The following NOX5 variants were observed in gnomAD, a reference collection of about 807,000 sequenced individuals.
NOX5 encodes NADPH oxidase, EF-hand calcium binding domain 5.
A neutral mutation model predicts 85.7 loss-of-function variants in NOX5; 76 were observed. The observed-to-expected ratio is 0.89, with a 90% confidence interval of 0.74 to 1.07. NOX5 has a LOEUF of 1.07. Among genes scored for constraint, NOX5 ranks in the 50% least tolerant of loss-of-function variants. NOX5 has a pLI of 0.00. For synonymous variants in NOX5, 405 were observed against 401.4 expected, an observed-to-expected ratio of 1.01 and a Z score of -0.11; for missense variants, 973 against 999.5, an observed-to-expected ratio of 0.97 and a Z score of 0.36.
chr15:69,037,386 G>A (rs1411487396), intron 8 of NOX5, among the ~76,000 whole-genome samples, 176 bp downstream of exon 8: 4 of 152,212 alleles, frequency 2.6e-5, no homozygotes, highest in Non-Finnish European at 2.9e-5. Context: ...CCCTCCAGGA[G>A]GGAAGCTTTA....
intron 8 of NOX5, among the ~76,000 whole-genome samples, chr15:69,038,623 G>C (rs899700507): frequency 2.6e-5 from 4 of 152,168 alleles, no homozygotes; most frequent in Admixed American, 6.5e-5. Context: ...GGTAAAACCA[G>C]GGGCCCCAAT....
chr15:69,031,471 A>G (rs549372850), intron 3 of NOX5, 47 bp from the exon 4 acceptor site: 2 of 1,564,614 alleles, frequency 1.3e-6, no homozygotes, highest in Admixed American at 3.5e-5. Context: ...GCTGACTGGC[A>G]GAAAGCTGGA....
intron 7 of NOX5, 125 bp downstream of exon 7, chr15:69,036,061 T>C: frequency 7.6e-7 from 1 of 1,321,820 alleles, no homozygotes; most frequent in Non-Finnish European, 1.0e-6. Flanking sequence ...ATTATTTGCA[T>C]GTGATTTGGG....
chr15:69,052,167 A>G (rs1454433046), intron 14 of NOX5, among the ~76,000 whole-genome samples: 2 of 151,854 alleles, frequency 1.3e-5, no homozygotes, highest in African/African-American at 4.8e-5. Context: ...GCAGCGAGCC[A>G]TGATAGCCCT....
chr15:69,027,160 G>A (rs957149782), intron 2 of NOX5, among the ~76,000 whole-genome samples: 38 of 152,238 alleles, frequency 2.5e-4, no homozygotes, highest in Non-Finnish European at 8.8e-5. Flanking sequence ...ATAGTGGCCT[G>A]GTCCTTGACA....
At chr15:69,042,212 T>G (rs1244773149) in intron 9 of NOX5, among the ~76,000 whole-genome samples, 1 of 152,176 alleles carries the variant, frequency 6.6e-6, no homozygotes, top group African/African-American at 2.4e-5. Context: ...AGTCATTCAT[T>G]CAACAGATGA....
chr15:69,049,194 T>A, intron 14 of NOX5, 136 bp downstream of exon 14: 2 of 185,390 alleles, frequency 1.1e-5, no homozygotes, highest in Non-Finnish European at 1.0e-5. Context: ...CCCAGAGTCT[T>A]TTTTTTTTTT....
rs1457876850 is a variant in NOX5 at position 69,061,808 on chromosome 15, G to A, written c.*5112G>A. 1 of 152,144 alleles carries A rather than the reference G, an allele frequency of 6.6e-6. No individual in the cohort carries two copies. Among genetic ancestry groups the A allele is most frequent in the Non-Finnish European group, 1.5e-5 (1 of 68,034 alleles). The allele number at this position is 152,144 out of a possible 1,614,324, so 9.4% of individuals were successfully genotyped here. Reference sequence around the variant, plus strand: ...CCTAGCTGTGTGAGTGTAGCCTGCTGGAGAAACAAAGAAAGACAGGTAGTG... The same window carrying A: ...CCTAGCTGTGTGAGTGTAGCCTGCTAGAGAAACAAAGAAAGACAGGTAGTG... On this transcript the variant is annotated 3_prime_UTR_variant, in exon 16 of 16. Coordinates refer to ENST00000388866, the MANE Select transcript of NOX5 (RefSeq NM_024505.4).
chr15:69,047,777 T>A, intron 12 of NOX5, 53 bp from the exon 13 acceptor site: 1 of 1,577,256 alleles, frequency 6.3e-7, no homozygotes, highest in Non-Finnish European at 8.7e-7. Flanking sequence ...TTCTCTGGGG[T>A]CCTGAAAAGT....
chr15:69,016,236 G>A (rs924678805), intron 1 of NOX5, among the ~76,000 whole-genome samples: 1 of 152,180 alleles, frequency 6.6e-6, no homozygotes, highest in African/African-American at 2.4e-5. Flanking sequence ...TATCTCAGTG[G>A]GAGGCTGGGT....
chr15:69,033,170 G>C lies in NOX5; in HGVS notation c.748G>C (p.Val250Leu), dbSNP rs1479735189. ...CCTGGCCACCTATGCAGGCCTCCAC[G>C]TGCTGCTCTTCGGGCTGGCGGCCAG... The part of the protein sequence containing the change: ...FCLATYAGLH[V>L]LLFGLAASAH... The change falls in exon 5 of 16, where the codon GTG becomes CTG. Residue 250 changes from valine (V) to leucine (L), a missense_variant. Transcript: ENST00000388866. 1.3e-6 allele frequency: 2 copies of C among 1,586,756 alleles called. No individual in the cohort carries two copies. The highest frequency in any genetic ancestry group is 1.7e-6 in the Non-Finnish European group (2 of 1,173,688).
Position 69,035,476 on chromosome 15 carries a change from C to G in NOX5, c.978C>G (p.Leu326=). 1 of 1,614,172 alleles carries G rather than the reference C, an allele frequency of 6.2e-7. No individual in the cohort carries two copies. Among genetic ancestry groups the G allele is most frequent in the South Asian group, 1.1e-5 (1 of 91,084 alleles). ...LMGYVVVGLS[L]VHTVAHTVNF... ...GCTACGTGGTAGTGGGGCTGTCCCTCGTGCACACCGTGGCTCACACTGTGA... is the reference window on the plus strand; with the variant it reads ...GCTACGTGGTAGTGGGGCTGTCCCTGGTGCACACCGTGGCTCACACTGTGA... Residue 326 remains leucine, a synonymous_variant, in exon 6 of 16, where the codon CTC becomes CTG. Coordinates refer to ENST00000388866, the MANE Select transcript of NOX5 (RefSeq NM_024505.4).
In NOX5 at chr15:69,042,835, C is replaced by G; in HGVS notation, c.1647+30C>G. The G allele has an allele frequency of 3.1e-6, 5 of 1,605,232 alleles. No homozygotes were observed. The South Asian group carries it at 5.6e-5, about 18-fold the overall frequency. On this transcript the variant is annotated intron_variant, in intron 10 of 15. Coordinates refer to ENST00000388866, the MANE Select transcript of NOX5 (RefSeq NM_024505.4). ...GTGGCTACTGGAGGGAAGGGGTCCA[C>G]TCTGCTGGCAAGTCCACAGAGACCA...
At chr15:69,014,888 A>G in intron 1 of NOX5, 103 bp downstream of exon 1, 1 of 852,472 alleles carries the variant, frequency 1.2e-6, no homozygotes, top group East Asian at 2.7e-5. Flanking sequence ...TGCCTTGGGC[A>G]GAAATCAGAA....
intron 1 of NOX5, among the ~76,000 whole-genome samples, chr15:69,015,860 G>A (rs564576221): frequency 1.3e-5 from 2 of 149,648 alleles, no homozygotes; most frequent in South Asian, 4.2e-4. Context: ...CTCGAAGCTT[G>A]GAGTCTGCAC....
Position 69,042,727 on chromosome 15 carries a change from G to C in NOX5, c.1569G>C (p.Lys523Asn), listed in dbSNP as rs2277553. ...QWTNRLYESF[K>N]ASDPLGRGSK... is the part of the protein sequence containing the mutation. The stretch of plus-strand genomic sequence containing the variant: ...CAAACAGGCTGTATGAGTCCTTCAA[G>C]GCATCAGACCCACTGGGCCGTGGTT... The change falls in exon 10 of 16, where the codon AAG becomes AAC. Residue 523 changes from lysine (K) to asparagine (N), a missense_variant. By Grantham distance (94) the Lys-to-Asn change is moderately conservative (BLOSUM62 0). Coordinates refer to ENST00000388866, the MANE Select transcript of NOX5 (RefSeq NM_024505.4). 1.9e-6 allele frequency: 3 copies of C among 1,614,166 alleles called. No homozygotes were observed. The highest frequency in any genetic ancestry group is 2.5e-6 in the Non-Finnish European group (3 of 1,180,030).
chr15:69,035,736 A>G (rs1567099798), intron 6 of NOX5, 22 bp from the exon 7 acceptor site: 7 of 1,609,744 alleles, frequency 4.3e-6, no homozygotes, highest in East Asian at 2.2e-5. Context: ...CAGTCACTCA[A>G]CCTTTCTGAG....
chr15:69,051,379 G>A (rs1481195221), intron 14 of NOX5, among the ~76,000 whole-genome samples: 5 of 151,998 alleles, frequency 3.3e-5, no homozygotes, highest in African/African-American at 4.8e-5. Flanking sequence ...TTCATTTTAC[G>A]GCAATGTAAA....
At chr15:69,019,117 C>G (rs1477385207) in intron 1 of NOX5, among the ~76,000 whole-genome samples, 1 of 152,200 alleles carries the variant, frequency 6.6e-6, no homozygotes, top group Non-Finnish European at 1.5e-5. Context: ...CCTGCCTCAG[C>G]CTCCCAGTGT....
Sources: allele counts gnomAD v4.1 joint callset (sites outside exome capture counted in the v4.1 genomes callset), GRCh38; gene constraint gnomAD v4.1.1; transcripts MANE v1.5; gene names NCBI Gene and HGNC (gene_info 2026-07-23, HGNC 2026-07-21).